The following TSNARE1 variants were observed in gnomAD, a reference collection of about 807,000 sequenced individuals.
TSNARE1 encodes the protein t-SNARE domain-containing protein 1.
TSNARE1 carries 49 observed loss-of-function variants against 62.0 expected under a neutral mutation model. That is an observed-to-expected ratio of 0.79 (90% confidence interval 0.63 to 1.00). The LOEUF (loss-of-function observed/expected upper bound fraction) is 1.00, where lower values mean the gene tolerates loss of function less well. Ranked by LOEUF, TSNARE1 falls within the 50% of genes least tolerant of loss-of-function variation. The pLI is 0.00. For synonymous variants in TSNARE1, 328 were observed against 294.4 expected, an observed-to-expected ratio of 1.11 and a Z score of -1.17; for missense variants, 755 against 700.1, an observed-to-expected ratio of 1.08 and a Z score of -0.88.
chr8:142,241,133 C>T lies in TSNARE1; in HGVS notation c.1447-11554G>A, dbSNP rs1349800239. Among the ~76,000 whole-genome samples, 3 of 152,210 alleles carry T rather than the reference C, an allele frequency of 2.0e-5. No individual in the cohort carries two copies. In the East Asian group the frequency reaches 5.8e-4, roughly 29 times the overall value. ...CTGATAGAAAACCCCAAGGACTCCA[C>T]ACAAAACCTGTCAGAAGTAACAAAC... On this transcript the variant is annotated intron_variant, in intron 12 of 13. Coordinates refer to ENST00000524325, the MANE Select transcript of TSNARE1 (RefSeq NM_145003.5).
intron 13 of TSNARE1, among the ~76,000 whole-genome samples, chr8:142,222,807 C>G (rs1816452399): frequency 1.5e-5 from 1 of 66,950 alleles, no homozygotes; most frequent in Non-Finnish European, 3.1e-5. Context: ...CACTCACTCA[C>G]TCATTCACTC....
At chr8:142,348,370 G>A (rs1399988889) in intron 2 of TSNARE1, among the ~76,000 whole-genome samples, 2 of 152,134 alleles carry the variant, frequency 1.3e-5, no homozygotes, top group Non-Finnish European at 2.9e-5. Flanking sequence ...GTCAGCACTC[G>A]CACAAATCAC....
chr8:142,280,243 G>A (rs969990248), intron 11 of TSNARE1: 100 of 985,260 alleles, frequency 1.0e-4, no homozygotes, highest in Non-Finnish European at 1.1e-4. Context: ...TGTGGAGCCC[G>A]GCCCGGCACC....
chr8:142,325,762 G>A (rs115599782), intron 6 of TSNARE1, among the ~76,000 whole-genome samples: 2,015 of 152,354 alleles, frequency 0.013, 42 homozygotes, highest in African/African-American at 0.046. Context: ...AGGGGAGGAG[G>A]TCAGAGAGGA....
intron 1 of TSNARE1, among the ~76,000 whole-genome samples, chr8:142,378,471 C>G (rs2131166637): frequency 6.6e-6 from 1 of 152,350 alleles, no homozygotes; most frequent in Non-Finnish European, 1.5e-5. Flanking sequence ...GTGTGTCCTA[C>G]TGTGTGTTAA....
intron 13 of TSNARE1, among the ~76,000 whole-genome samples, chr8:142,221,608 G>T (rs1328567210): frequency 2.6e-5 from 4 of 152,074 alleles, no homozygotes; most frequent in Non-Finnish European, 4.4e-5. Context: ...TGCTCCCTGG[G>T]GCCCTCACTC....
chr8:142,347,090 G>T (rs912883919), intron 2 of TSNARE1, among the ~76,000 whole-genome samples: 2 of 152,256 alleles, frequency 1.3e-5, no homozygotes, highest in East Asian at 3.9e-4. Context: ...ACTGGGGCAC[G>T]CTCACCCTCC....
At chr8:142,225,911 C>G (rs1330884152) in intron 13 of TSNARE1, among the ~76,000 whole-genome samples, 1 of 152,136 alleles carries the variant, frequency 6.6e-6, no homozygotes, top group African/African-American at 2.4e-5. Flanking sequence ...GTGGGTCCTT[C>G]CTTGCCCTGT....
chr8:142,329,564 C>T (rs953580803), intron 6 of TSNARE1, among the ~76,000 whole-genome samples: 8 of 152,330 alleles, frequency 5.3e-5, no homozygotes, highest in Admixed American at 4.6e-4. Flanking sequence ...GCCACAGACC[C>T]GGCCCAGAGT....
At chr8:142,350,000 GGGCGGGCAA>G (rs1236183347) in intron 2 of TSNARE1, among the ~76,000 whole-genome samples, 1 of 146,642 alleles carries the variant, frequency 6.8e-6, no homozygotes, top group African/African-American at 2.5e-5. Context: ...AGGGCAGGCA[GGGCGGGCAA>G]GGCTGGGACC....
chr8:142,250,776 T>G (rs939501726), intron 12 of TSNARE1, among the ~76,000 whole-genome samples: 2 of 152,186 alleles, frequency 1.3e-5, no homozygotes, highest in African/African-American at 4.8e-5. Flanking sequence ...TTCCCTGACC[T>G]GCAGTCAAGG....
At chr8:142,274,131 G>A (rs1249782432) in intron 12 of TSNARE1, 1 of 985,308 alleles carries the variant, frequency 1.0e-6, no homozygotes, top group Non-Finnish European at 1.2e-6. Flanking sequence ...TGAGGAACAG[G>A]CTCTGGTCAT....
intron 12 of TSNARE1, among the ~76,000 whole-genome samples, chr8:142,253,960 A>T (rs1818303964): frequency 6.6e-6 from 1 of 152,244 alleles, no homozygotes; most frequent in Non-Finnish European, 1.5e-5. Context: ...CCAAGACTGG[A>T]CTAGGAGGAA....
intron 12 of TSNARE1, among the ~76,000 whole-genome samples, chr8:142,244,172 C>T (rs1170183788): frequency 6.6e-6 from 1 of 152,164 alleles, no homozygotes; most frequent in African/African-American, 2.4e-5. Context: ...GGCGACAGAG[C>T]GAGACTCCGA....
intron 12 of TSNARE1, among the ~76,000 whole-genome samples, chr8:142,233,379 G>T (rs932304840): frequency 1.3e-5 from 2 of 152,132 alleles, no homozygotes; most frequent in African/African-American, 2.4e-5. Context: ...CCCACTCTTC[G>T]TGCTGGGGAA....
chr8:142,336,004 C>T (rs1831703122), intron 4 of TSNARE1, among the ~76,000 whole-genome samples: 1 of 152,188 alleles, frequency 6.6e-6, no homozygotes, highest in Admixed American at 6.5e-5. Context: ...AGATTCCGGC[C>T]AGGCGTGGCG....
chr8:142,318,630 T>G lies in TSNARE1; in HGVS notation c.898A>C (p.Thr300Pro). 1.9e-6 allele frequency: 3 copies of G among 1,613,402 alleles called. No individual in the cohort carries two copies. The highest frequency in any genetic ancestry group is 1.7e-4 in the Middle Eastern group (1 of 6,056). The change falls in exon 7 of 14, where the codon ACG becomes CCG. Residue 300 changes from threonine (T) to proline (P), a missense_variant. By Grantham distance (38) the Thr-to-Pro change is conservative. Coordinates refer to ENST00000524325, the MANE Select transcript of TSNARE1 (RefSeq NM_145003.5). ...GTCTTGTTGGTCTCCTGCTGTGCCG[T>G]GTGCCTGGGGGCCGAGAAGGAGCCA... Reference protein sequence around the residue: ...DTQELRDSLHTAQQETNKTIA... With the variant: ...DTQELRDSLHPAQQETNKTIA...
rs1175881539 is a variant in TSNARE1, at chr8:142,258,785, G to A, written c.1446+15996C>T. 2.6e-5 allele frequency among the ~76,000 whole-genome samples: 4 copies of A among 152,134 alleles called. No individual in the cohort carries two copies. In the South Asian group the frequency reaches 8.3e-4, roughly 31 times the overall value. ...GATCCACCCACCTTGGCCTCCCAAAGTGCTGGGATTACAAGCGTGAACCAC... is the reference window on the plus strand; with the variant it reads ...GATCCACCCACCTTGGCCTCCCAAAATGCTGGGATTACAAGCGTGAACCAC... On this transcript the variant is annotated intron_variant, in intron 12 of 13. Transcript: ENST00000524325.
chr8:142,274,003 A>T, intron 12 of TSNARE1: 12 of 984,778 alleles, frequency 1.2e-5, no homozygotes, highest in Non-Finnish European at 1.4e-5. Flanking sequence ...CGCCCTCAAG[A>T]GTGTGTGCTC....
Sources: gnomAD v4.1 joint callset for allele counts (sites outside exome capture counted in the v4.1 genomes callset) on GRCh38, gnomAD v4.1.1 for gene constraint, MANE v1.5 for transcripts, NCBI Gene and HGNC (gene_info 2026-07-23, HGNC 2026-07-21) for gene names.